Variants in GRID2 observed in about 807,000 individuals in gnomAD.
GRID2 encodes the protein glutamate receptor ionotropic, delta-2.
Under a neutral mutation model 114.8 loss-of-function variants are expected in GRID2, and 33 were observed. That is an observed-to-expected ratio of 0.29 (90% CI 0.22 to 0.38). The LOEUF (loss-of-function observed/expected upper bound fraction) is 0.38, where lower values mean the gene tolerates loss of function less well. Ranked by LOEUF, GRID2 falls within the 10% of genes least tolerant of loss-of-function variation. The probability of loss-of-function intolerance (pLI) is 1.00; values close to 1 mark genes in which losing one functional copy is unlikely to be tolerated. For synonymous variants in GRID2, 505 were observed against 449.9 expected (o/e 1.12, Z -1.55); for missense variants, 1,184 against 1,257.7 (o/e 0.94, Z 0.89).
chr4:92,769,080 A>G (rs551196301), intron 2 of GRID2, among the ~76,000 whole-genome samples: 1 of 152,322 alleles, frequency 6.6e-6, no homozygotes, highest in East Asian at 1.9e-4. Context: ...AGCCTGTGAA[A>G]TTCAAAGCAA....
rs1282305196 is a variant in GRID2 at position 93,590,260 on chromosome 4, G to A, written c.2194-36009G>A. ...GGCGTAAGGAAGGGATCCAGTTTCA[G>A]CTTTCTACATATGGCTAGCCAGTTT... On this transcript the variant is annotated intron_variant, in intron 13 of 15. Coordinates refer to ENST00000282020, the MANE Select transcript of GRID2 (RefSeq NM_001510.4). Among the ~76,000 whole-genome samples the A allele has an allele frequency of 2.2e-3, 328 of 150,490 alleles. 3 individuals carry two copies. Among genetic ancestry groups the A allele is most frequent in the African/African-American group, 7.1e-3 (293 of 41,110 alleles).
At chr4:92,901,543 C>G (rs189631004) in intron 2 of GRID2, among the ~76,000 whole-genome samples, 20 of 152,054 alleles carry the variant, frequency 1.3e-4, no homozygotes, top group Non-Finnish European at 2.6e-4. Flanking sequence ...TTTTGAGGTC[C>G]TAGTCATAAA....
chr4:92,893,121 G>T (rs1251823118), intron 2 of GRID2, among the ~76,000 whole-genome samples: 24 of 152,106 alleles, frequency 1.6e-4, no homozygotes. Context: ...GTAACATAAA[G>T]CTACAGTATA....
intron 2 of GRID2, among the ~76,000 whole-genome samples, chr4:92,948,009 C>A (rs1751763336): frequency 6.6e-6 from 1 of 151,776 alleles, no homozygotes; most frequent in African/African-American, 2.4e-5. Flanking sequence ...ACAAATTTAG[C>A]TTGTCCCTCA....
At chr4:92,580,964 A>G (rs540060455) in intron 1 of GRID2, among the ~76,000 whole-genome samples, 60 of 150,676 alleles carry the variant, frequency 4.0e-4, no homozygotes, top group African/African-American at 1.4e-3. Context: ...CAAAGTGTCT[A>G]TTGTCAAACC....
intron 1 of GRID2, among the ~76,000 whole-genome samples, chr4:92,349,550 A>G (rs1489508715): frequency 6.6e-6 from 1 of 151,620 alleles, no homozygotes; most frequent in Non-Finnish European, 1.5e-5. Context: ...TATTTAAAAC[A>G]TATTTTATTT....
chr4:92,440,774 G>C (rs970989583), intron 1 of GRID2, among the ~76,000 whole-genome samples: 4 of 152,182 alleles, frequency 2.6e-5, no homozygotes, highest in South Asian at 2.1e-4. Context: ...TGGGGAAATG[G>C]GGTGAATGTC....
At chr4:93,180,689 A>G (rs1369515115) in intron 4 of GRID2, among the ~76,000 whole-genome samples, 2 of 152,138 alleles carry the variant, frequency 1.3e-5, no homozygotes, top group Non-Finnish European at 2.9e-5. Flanking sequence ...CATTTTAGCA[A>G]TGTTCCCAGC....
intron 2 of GRID2, among the ~76,000 whole-genome samples, chr4:92,862,742 A>G (rs1019206188): frequency 4.6e-5 from 7 of 152,054 alleles, no homozygotes; most frequent in African/African-American, 1.4e-4. Flanking sequence ...TTGTGCATAC[A>G]TTTTTTATAA....
intron 1 of GRID2, among the ~76,000 whole-genome samples, chr4:93,802,081 T>C (rs951225326): frequency 6.6e-6 from 1 of 152,228 alleles, no homozygotes; most frequent in African/African-American, 2.4e-5. Context: ...GTTTCAGACC[T>C]GTATGCTTAT....
chr4:92,711,434 G>A (rs1156646261), intron 2 of GRID2, among the ~76,000 whole-genome samples: 1 of 152,150 alleles, frequency 6.6e-6, no homozygotes, highest in East Asian at 1.9e-4. Flanking sequence ...TAGAACTGAA[G>A]TCCCCAGTTT....
intron 13 of GRID2, among the ~76,000 whole-genome samples, chr4:93,617,982 C>T (rs1298082891): frequency 1.3e-5 from 2 of 150,536 alleles, no homozygotes; most frequent in African/African-American, 2.5e-5. Context: ...TGATACTACC[C>T]CCCCTAACCT....
intron 14 of GRID2, among the ~76,000 whole-genome samples, chr4:93,646,336 A>G (rs1348137378): frequency 6.6e-6 from 1 of 152,186 alleles, no homozygotes; most frequent in Non-Finnish European, 1.5e-5. Context: ...TGGAGGAAGA[A>G]TATCCAATGC....
chr4:92,740,692 A>AT (rs796151925), intron 2 of GRID2, among the ~76,000 whole-genome samples: 1,894 of 11,902 alleles, frequency 0.16, 25 homozygotes, highest in East Asian at 0.43. Flanking sequence ...TAGATAGATG[A>AT]TAGATAGATA....
At chr4:92,854,853 T>C (rs1279176333) in intron 2 of GRID2, among the ~76,000 whole-genome samples, 2 of 152,024 alleles carry the variant, frequency 1.3e-5, no homozygotes, top group Admixed American at 1.3e-4. Context: ...GAACAATGTC[T>C]TATTTTTGCC....
chr4:93,211,262 A>C (rs566561296), intron 5 of GRID2, among the ~76,000 whole-genome samples: 1 of 152,246 alleles, frequency 6.6e-6, no homozygotes, highest in East Asian at 1.9e-4. Flanking sequence ...TGGCATCTTC[A>C]TATTGTATAG....
chr4:93,567,520 G>T (rs1477734966), intron 13 of GRID2, among the ~76,000 whole-genome samples: 1 of 152,138 alleles, frequency 6.6e-6, no homozygotes, highest in Non-Finnish European at 1.5e-5. Flanking sequence ...GAACATGAAG[G>T]CATATCTCTT....
chr4:93,541,053 A>G (rs527924629), intron 13 of GRID2, among the ~76,000 whole-genome samples: 1 of 152,308 alleles, frequency 6.6e-6, no homozygotes, highest in African/African-American at 2.4e-5. Flanking sequence ...GAAAAAGAAT[A>G]TGACAGCCCG....
intron 1 of GRID2, among the ~76,000 whole-genome samples, chr4:92,361,104 A>G (rs1233883973): frequency 6.6e-6 from 1 of 151,994 alleles, no homozygotes; most frequent in Non-Finnish European, 1.5e-5. Flanking sequence ...TTTAACTCCA[A>G]CTAAAACTCC....
Sources: gnomAD v4.1 joint callset for allele counts (sites outside exome capture counted in the v4.1 genomes callset) on GRCh38, gnomAD v4.1.1 for gene constraint, MANE v1.5 for transcripts, NCBI Gene and HGNC (gene_info 2026-07-23, HGNC 2026-07-21) for gene names.